The following REDIC1 variants were observed in gnomAD, a reference collection of about 807,000 sequenced individuals.
REDIC1 encodes HEI10 Interacting Protein 1.
chr12:39,864,488 C>T, the REDIC1 span, among the ~76,000 whole-genome samples: 3 of 152,154 alleles, frequency 2.0e-5, no homozygotes, highest in Non-Finnish European at 4.4e-5. Flanking sequence ...TGCTTAGATT[C>T]AGTATCAATC....
chr12:39,863,502 A>G, the REDIC1 span, among the ~76,000 whole-genome samples: 1 of 152,204 alleles, frequency 6.6e-6, no homozygotes, highest in African/African-American at 2.4e-5. Flanking sequence ...TGATTCTCAA[A>G]TGACAGTAAT....
chr12:39,812,723 C>T, the REDIC1 span, among the ~76,000 whole-genome samples: 1 of 151,866 alleles, frequency 6.6e-6, no homozygotes, highest in Non-Finnish European at 1.5e-5. Context: ...CCACCTGCCT[C>T]AGCCTCCCAA....
At chr12:39,678,328 A>G in the REDIC1 span, among the ~76,000 whole-genome samples, 426 of 152,244 alleles carry the variant, frequency 2.8e-3, 1 homozygote, top group African/African-American at 9.9e-3. Flanking sequence ...TACAAATTAG[A>G]AAATCTACAG....
chr12:39,883,857 G>GAAAACAGC, the REDIC1 span, among the ~76,000 whole-genome samples: 12 of 152,260 alleles, frequency 7.9e-5, no homozygotes, highest in Admixed American at 2.6e-4. Flanking sequence ...AGGATGAAGT[G>GAAAACAGC]AAAACAGCAA....
chr12:39,707,645 G>T, the REDIC1 span, among the ~76,000 whole-genome samples: 1 of 151,782 alleles, frequency 6.6e-6, no homozygotes, highest in Non-Finnish European at 1.5e-5. Context: ...AACAAAATGT[G>T]TTAATTAAAC....
At chr12:39,896,476 A>T in the REDIC1 span, among the ~76,000 whole-genome samples, 1 of 143,568 alleles carries the variant, frequency 7.0e-6, no homozygotes, top group African/African-American at 2.5e-5. Context: ...ACATATATGT[A>T]TATGTGTATA....
chr12:39,828,930 G>T, the REDIC1 span, among the ~76,000 whole-genome samples: 18 of 152,028 alleles, frequency 1.2e-4, no homozygotes, highest in Middle Eastern at 3.5e-3. Context: ...TTAAAATGTG[G>T]TCTGGATTTT....
the REDIC1 span, among the ~76,000 whole-genome samples, chr12:39,895,512 A>T: frequency 5.2e-3 from 25 of 4,808 alleles, 3 homozygotes; most frequent in African/African-American, 0.014. Flanking sequence ...AAAAAAAAAA[A>T]ATTATATATA....
At chr12:39,846,644 A>AT in the REDIC1 span, among the ~76,000 whole-genome samples, 1 of 151,908 alleles carries the variant, frequency 6.6e-6, no homozygotes, top group African/African-American at 2.4e-5. Flanking sequence ...GAGAAATGGG[A>AT]TTTTGCCACG....
chr12:39,889,766 G>A, the REDIC1 span, among the ~76,000 whole-genome samples: 2 of 151,992 alleles, frequency 1.3e-5, no homozygotes, highest in East Asian at 1.9e-4. Flanking sequence ...TCTTGACCTC[G>A]TGATCTGCCC....
the REDIC1 span, among the ~76,000 whole-genome samples, chr12:39,649,805 T>C: frequency 1.3e-5 from 2 of 151,980 alleles, no homozygotes; most frequent in African/African-American, 2.4e-5. Flanking sequence ...CTGAATAATA[T>C]TGATATTCAG....
chr12:39,851,055 A>G, the REDIC1 span, among the ~76,000 whole-genome samples: 1 of 151,926 alleles, frequency 6.6e-6, no homozygotes, highest in African/African-American at 2.4e-5. Flanking sequence ...GTGCGCCACC[A>G]CATCCAGCTA....
At chr12:39,879,588 C>A in the REDIC1 span, among the ~76,000 whole-genome samples, 1 of 152,150 alleles carries the variant, frequency 6.6e-6, no homozygotes. Context: ...GGCCTGTACC[C>A]CCTTTCTTCC....
chr12:39,734,049 G>A, the REDIC1 span, among the ~76,000 whole-genome samples: 1 of 152,238 alleles, frequency 6.6e-6, no homozygotes, highest in Non-Finnish European at 1.5e-5. Flanking sequence ...AGGCACCTGA[G>A]GGAATCTCCT....
the REDIC1 span, among the ~76,000 whole-genome samples, chr12:39,705,408 A>T: frequency 6.6e-6 from 1 of 152,208 alleles, no homozygotes; most frequent in East Asian, 1.9e-4. Context: ...TACCAGTCCT[A>T]CTAAAAATAT....
chr12:39,692,090 G>A, the REDIC1 span: 60 of 1,577,860 alleles, frequency 3.8e-5, no homozygotes, highest in Non-Finnish European at 4.7e-5. Context: ...TAAAAAGCAA[G>A]CGAATATCTA....
chr12:39,907,621 C>T, the REDIC1 span: 12 of 152,076 alleles, frequency 7.9e-5, no homozygotes, highest in Non-Finnish European at 1.5e-4. Context: ...GATTACAATT[C>T]CTCTACCCAT....
chr12:39,777,588 G>A, the REDIC1 span, among the ~76,000 whole-genome samples: 44 of 152,242 alleles, frequency 2.9e-4, no homozygotes, highest in Middle Eastern at 0.01. Context: ...GACCACCCTG[G>A]CCTGCCACGC....
chr12:39,849,667 T>G, the REDIC1 span, among the ~76,000 whole-genome samples: 1 of 152,192 alleles, frequency 6.6e-6, no homozygotes, highest in Non-Finnish European at 1.5e-5. Flanking sequence ...TCTGACAGGA[T>G]AATTACCAAG....
Sources: allele counts gnomAD v4.1 joint callset (sites outside exome capture counted in the v4.1 genomes callset), GRCh38; gene constraint gnomAD v4.1.1; transcripts MANE v1.5; gene names NCBI Gene and HGNC (gene_info 2026-07-23, HGNC 2026-07-21).